RAD51C: variants seen among roughly 807,000 people sequenced by gnomAD.
RAD51C encodes the protein DNA repair protein RAD51 homolog 3.
A neutral mutation model predicts 45.0 loss-of-function variants in RAD51C; 42 were observed. That is an observed-to-expected ratio of 0.93 (90% confidence interval 0.73 to 1.21). The LOEUF (loss-of-function observed/expected upper bound fraction) is 1.21, where lower values mean the gene tolerates loss of function less well. Among genes scored for constraint, RAD51C ranks in the 50% most tolerant of loss-of-function variants. The pLI is 0.00. For synonymous variants in RAD51C, 172 were observed against 159.8 expected (o/e 1.08, Z -0.58); for missense variants, 474 against 452.2 (o/e 1.05, Z -0.44).
At chr17:58,692,915 C>A in intron 1 of RAD51C, 127 bp downstream of exon 1, 1 of 1,419,108 alleles carries the variant, frequency 7.0e-7, no homozygotes, top group Non-Finnish European at 9.8e-7. Context: ...TCCATGTTTA[C>A]AGCGTGAAAG....
intron 4 of RAD51C, chr17:58,705,963 C>T (rs1164113517): frequency 6.6e-6 from 1 of 152,128 alleles, no homozygotes; most frequent in African/African-American, 2.4e-5. Flanking sequence ...ATTGGTGAGA[C>T]TCAAGTTATA....
At position 58,715,409 on chromosome 17, in the gene RAD51C, G is replaced by A. The variant is rs555058577; in HGVS notation, c.838-5337G>A. Among the ~76,000 whole-genome samples, 26 of 144,818 alleles carry A rather than the reference G, an allele frequency of 1.8e-4. No homozygotes were observed. In the South Asian group the frequency reaches 2.2e-3, roughly 12 times the overall value. On this transcript the variant is annotated intron_variant, in intron 5 of 8. Coordinates refer to ENST00000337432, the MANE Select transcript of RAD51C (RefSeq NM_058216.3). ...GCGGAGGTTGCAGCAAGCCAGGACC[G>A]CGCCATTGCACTCCAGCCTGGGCAA...
At position 58,713,984 on chromosome 17, in the gene RAD51C, C is replaced by CT. The variant is rs768071674; in HGVS notation, c.837+4006dup. Among the ~76,000 whole-genome samples, 686 of 144,532 alleles carry CT rather than the reference C, an allele frequency of 4.7e-3. 6 individuals are homozygous for CT. The highest frequency in any genetic ancestry group is 0.013 in the African/African-American group (527 of 39,782). The allele number at this position is 144,532 out of a possible 152,430, so 94.8% of individuals were successfully genotyped here. A position where few individuals can be genotyped will look rare whatever the true frequency, so the allele number is the denominator to read the frequency against. On this transcript the variant is annotated intron_variant, in intron 5 of 8. Transcript: ENST00000337432. ...CCACCTCCTTATTGATGGTCTCTCT[C>CT]TTTTTTTTTTTTCTGTTTTAGATAG...
chr17:58,700,293 A>C (rs1436669057), intron 3 of RAD51C: 1 of 152,142 alleles, frequency 6.6e-6, no homozygotes, highest in Non-Finnish European at 1.5e-5. Context: ...CAGCCAAGAA[A>C]CCTAAGAGGG....
chr17:58,722,183 G>A (rs1220036019), intron 6 of RAD51C, among the ~76,000 whole-genome samples: 12 of 152,264 alleles, frequency 7.9e-5, no homozygotes, highest in Admixed American at 6.5e-4. Flanking sequence ...AGGAAGTTGG[G>A]AAAGCAGGGG....
intron 5 of RAD51C, among the ~76,000 whole-genome samples, chr17:58,717,003 C>T (rs930596771): frequency 4.6e-5 from 7 of 151,962 alleles, no homozygotes; most frequent in African/African-American, 1.4e-4. Context: ...GGGGTTTCAC[C>T]GTGTTACCCA....
At chr17:58,721,505 A>C (rs1301976429) in intron 6 of RAD51C, among the ~76,000 whole-genome samples, 1 of 152,168 alleles carries the variant, frequency 6.6e-6, no homozygotes, top group African/African-American at 2.4e-5. Flanking sequence ...TATGCCTGTA[A>C]TCTCAGCACT....
chr17:58,718,356 T>A (rs1329876482), intron 5 of RAD51C, among the ~76,000 whole-genome samples: 1 of 152,202 alleles, frequency 6.6e-6, no homozygotes, highest in Non-Finnish European at 1.5e-5. Context: ...TTTTTCTTAC[T>A]GCTTTTCATG....
chr17:58,697,493 G>A (rs1165527281), intron 3 of RAD51C, among the ~76,000 whole-genome samples: 1 of 136,332 alleles, frequency 7.3e-6, no homozygotes, highest in Admixed American at 7.9e-5. Flanking sequence ...CCCAGATTAC[G>A]CCACTGCACT....
chr17:58,708,774 TGG>T (rs2048456285), intron 4 of RAD51C, among the ~76,000 whole-genome samples: 1 of 151,834 alleles, frequency 6.6e-6, no homozygotes, highest in African/African-American at 2.4e-5. Context: ...TTCACCACGT[TGG>T]CCAGGCTGGT....
intron 7 of RAD51C, among the ~76,000 whole-genome samples, chr17:58,729,302 C>T (rs556298307): frequency 2.6e-5 from 4 of 152,226 alleles, no homozygotes; most frequent in South Asian, 2.1e-4. Context: ...ACTACAACCT[C>T]GGCCTCCCGG....
At chr17:58,733,262 C>T (rs1220973841) in intron 8 of RAD51C, among the ~76,000 whole-genome samples, 2 of 152,178 alleles carry the variant, frequency 1.3e-5, no homozygotes, top group Non-Finnish European at 2.9e-5. Flanking sequence ...GTGATCCGCC[C>T]TTCTCAGCCT....
intron 3 of RAD51C, 82 bp from the exon 4 acceptor site, chr17:58,703,114 T>G (rs993375691): frequency 8.9e-6 from 13 of 1,464,170 alleles, no homozygotes; most frequent in Non-Finnish European, 1.1e-5. Flanking sequence ...GAGAACATTT[T>G]GTTATTAAAA....
At chr17:58,694,126 T>G (rs2143707152) in intron 1 of RAD51C, 1 of 152,356 alleles carries the variant, frequency 6.6e-6, no homozygotes, top group Admixed American at 6.5e-5. Context: ...ATAATTGTTC[T>G]CATTAGTTTG....
chr17:58,714,162 T>C (rs1203857960), intron 5 of RAD51C, among the ~76,000 whole-genome samples: 1 of 151,904 alleles, frequency 6.6e-6, no homozygotes, highest in Non-Finnish European at 1.5e-5. Flanking sequence ...TTTTTGTATT[T>C]TTAGTAGAGA....
chr17:58,718,188 G>T (rs1486890209), intron 5 of RAD51C, among the ~76,000 whole-genome samples: 1 of 152,050 alleles, frequency 6.6e-6, no homozygotes, highest in African/African-American at 2.4e-5. Flanking sequence ...GGTAGAGATG[G>T]GGTATCGCCA....
At chr17:58,726,446 G>A (rs1192027650) in intron 7 of RAD51C, among the ~76,000 whole-genome samples, 2 of 149,528 alleles carry the variant, frequency 1.3e-5, no homozygotes, top group Non-Finnish European at 3.0e-5. Flanking sequence ...ACGTATAGAT[G>A]TATATACATA....
chr17:58,706,437 T>A (rs978291178), intron 4 of RAD51C: 4 of 333,660 alleles, frequency 1.2e-5, no homozygotes, highest in Non-Finnish European at 2.6e-5. Flanking sequence ...CTCAAAAAAA[T>A]AATAATAATT....
In RAD51C at chr17:58,692,720, A is replaced by T. The variant is rs746026526; in HGVS notation, c.77A>T (p.Lys26Met). Reference protein sequence around the residue: ...SFPLSPAVRVKLVSAGFQTAE... With the variant: ...SFPLSPAVRVMLVSAGFQTAE... ...CCGCTGTCTCCAGCGGTGCGGGTGA[A>T]GCTGGTGTCTGCGGGGTTCCAGACT... Residue 26 changes from lysine (K) to methionine (M), a missense_variant, in exon 1 of 9, where the codon AAG becomes ATG. Transcript: ENST00000337432. The T allele has an allele frequency of 1.4e-5, 23 of 1,614,228 alleles. No homozygotes were observed. Among genetic ancestry groups the T allele is most frequent in the Non-Finnish European group, 1.9e-5 (22 of 1,180,042 alleles).
Sources: gnomAD v4.1 joint callset for allele counts (sites outside exome capture counted in the v4.1 genomes callset) on GRCh38, gnomAD v4.1.1 for gene constraint, MANE v1.5 for transcripts, NCBI Gene and HGNC (gene_info 2026-07-23, HGNC 2026-07-21) for gene names.